The following IFIH1 variants were observed in gnomAD, a reference collection of about 807,000 sequenced individuals.
IFIH1 encodes interferon-induced helicase C domain-containing protein 1.
In IFIH1, 125 loss-of-function variants were observed where a neutral mutation model predicts 107.4. The ratio of observed to expected loss-of-function variants is 1.16; its 90% CI spans 1.01 to 1.35. The LOEUF is 1.35. IFIH1 is among the 40% of genes most tolerant of loss of function. The pLI is 0.00. For missense variants in IFIH1, 1,333 were observed against 1,213.7 expected (o/e 1.10, Z -1.46); for synonymous variants, 458 against 413.2 (o/e 1.11, Z -1.31).
At chr2:162,311,814 G>C (rs950419555) in intron 1 of IFIH1, among the ~76,000 whole-genome samples, 3 of 152,010 alleles carry the variant, frequency 2.0e-5, no homozygotes, top group African/African-American at 4.8e-5. Flanking sequence ...CCTAGACCTT[G>C]GTTACAATAT....
Position 162,281,475 on chromosome 2 carries a change from C to A in IFIH1, c.1377G>T (p.Arg459Ser). The change falls in exon 7 of 16, where the codon AGG (arginine) becomes AGT (serine). Residue 459 changes from arginine to serine, a missense_variant. Coordinates refer to ENST00000649979, the MANE Select transcript of IFIH1 (RefSeq NM_022168.4). ...NKEAVYNNIM[R>S]HYLMQKLKNN... ...TTTTCAACTTCTGCATCAAATAATG[C>A]CTCATGATGTTATTATACACTGCTT... The A allele has an allele frequency of 6.2e-7, 1 of 1,611,878 alleles. No individual in the cohort carries two copies.
In IFIH1 at chr2:162,282,460, G is replaced by T. The variant is rs201130067; in HGVS notation, c.1212C>A (p.Val404=). The change falls in exon 6 of 16, where the codon GTC becomes GTA. Residue 404 remains valine (V), a synonymous_variant. Coordinates refer to ENST00000649979, the MANE Select transcript of IFIH1 (RefSeq NM_022168.4). Reference sequence around the variant, plus strand: ...TACTGATAATAATATCACAGGACTTGACAACTTCTGGAAATGATATTTTCA... The same window carrying T: ...TACTGATAATAATATCACAGGACTTTACAACTTCTGGAAATGATATTTTCA... ...TQLKISFPEV[V]KSCDIIISTA... 26 of 1,611,336 alleles carry T rather than the reference G, an allele frequency of 1.6e-5. No homozygotes were observed. The East Asian group carries it at 4.5e-4, about 28-fold the overall frequency.
At chr2:162,271,872 T>C (rs899293109) in intron 13 of IFIH1, among the ~76,000 whole-genome samples, 1 of 152,182 alleles carries the variant, frequency 6.6e-6, no homozygotes, top group African/African-American at 2.4e-5. Flanking sequence ...GCGTTTCATC[T>C]ACATTTCTGA....
chr2:162,282,089 G>C (rs1682819571), intron 6 of IFIH1, among the ~76,000 whole-genome samples: 1 of 151,996 alleles, frequency 6.6e-6, no homozygotes, highest in Admixed American at 6.6e-5. Flanking sequence ...AAGGGAAGCA[G>C]ATCTAACAAC....
chr2:162,279,871 C>A (rs1037582164), intron 8 of IFIH1, 125 bp downstream of exon 8: 25 of 666,458 alleles, frequency 3.8e-5, no homozygotes, highest in Non-Finnish European at 1.6e-5. Flanking sequence ...TAAAAAAAAA[C>A]CTGAAACTTG....
At chr2:162,272,175 A>G (rs368108490) in intron 13 of IFIH1, 51 bp downstream of exon 13, 89 of 1,453,502 alleles carry the variant, frequency 6.1e-5, no homozygotes, top group Non-Finnish European at 8.0e-5. Context: ...AATGGCAACC[A>G]CATGCCGCCA....
At chr2:162,298,277 C>A (rs944738298) in intron 3 of IFIH1, among the ~76,000 whole-genome samples, 2 of 152,106 alleles carry the variant, frequency 1.3e-5, no homozygotes, top group Non-Finnish European at 2.9e-5. Flanking sequence ...CATTTATCAC[C>A]CCACAGAATA....
In IFIH1 at chr2:162,318,363, C is replaced by A. The variant is rs1354843260; in HGVS notation, c.-56G>T. 2 of 1,436,530 alleles carry A rather than the reference C, an allele frequency of 1.4e-6. No homozygotes were observed. Among genetic ancestry groups the A allele is most frequent in the East Asian group, 2.3e-5 (1 of 43,848 alleles). The allele number at this position is 1,436,530 out of a possible 1,614,324, so 89.0% of individuals were successfully genotyped here. A position where few individuals can be genotyped will look rare whatever the true frequency, so the allele number is the denominator to read the frequency against. ...CCCAAGCAGATGGTGCTGTTGTCTG[C>A]GGGACAGGTGAAATGTGCGTGCCGC... is the stretch of plus-strand genomic sequence containing the variant. On this transcript the variant is annotated 5_prime_UTR_variant, in exon 1 of 16. Coordinates refer to ENST00000649979, the MANE Select transcript of IFIH1 (RefSeq NM_022168.4).
intron 1 of IFIH1, among the ~76,000 whole-genome samples, chr2:162,315,128 T>C (rs549473892): frequency 6.6e-6 from 1 of 152,358 alleles, no homozygotes; most frequent in Non-Finnish European, 1.5e-5. Flanking sequence ...AAGACCATTT[T>C]ATAGAAGTCT....
chr2:162,314,840 G>A (rs908458953), intron 1 of IFIH1, among the ~76,000 whole-genome samples: 6 of 152,090 alleles, frequency 3.9e-5, no homozygotes, highest in South Asian at 2.1e-4. Context: ...ACAACTTCAC[G>A]AAAGGACAAA....
At chr2:162,277,794 C>T (rs1682728661) in intron 9 of IFIH1, 101 bp from the exon 10 acceptor site, 1 of 1,396,738 alleles carries the variant, frequency 7.2e-7, no homozygotes, top group Admixed American at 2.7e-5. Context: ...AAACTGGCTT[C>T]ACCTTGGTTT....
intron 3 of IFIH1, among the ~76,000 whole-genome samples, chr2:162,293,877 A>G (rs138944124): frequency 6.6e-6 from 1 of 151,884 alleles, no homozygotes; most frequent in Non-Finnish European, 1.5e-5. Flanking sequence ...AGTGATTCAA[A>G]TACATATTAC....
chr2:162,306,886 T>C (rs1420206959), intron 2 of IFIH1, 31 bp from the exon 3 acceptor site: 15 of 1,606,668 alleles, frequency 9.3e-6, no homozygotes, highest in Non-Finnish European at 1.3e-5. Flanking sequence ...ATGCAAATCA[T>C]AGTGCCATAC....
At chr2:162,314,437 TTTCTTTC>T (rs1683446107) in intron 1 of IFIH1, among the ~76,000 whole-genome samples, 1 of 116,206 alleles carries the variant, frequency 8.6e-6, no homozygotes, top group Non-Finnish European at 1.6e-5. Context: ...TCTTTCTTTC[TTTCTTTC>T]TTTCTTTCTT....
intron 11 of IFIH1, among the ~76,000 whole-genome samples, chr2:162,276,219 GTGT>G (rs1201755412): frequency 6.6e-6 from 1 of 152,142 alleles, no homozygotes; most frequent in African/African-American, 2.4e-5. Context: ...TCAAGAACAG[GTGT>G]TTTATCCTGT....
In IFIH1 at chr2:162,310,864, C is replaced by T. The variant is rs1298464553; in HGVS notation, c.523G>A (p.Glu175Lys). Residue 175 changes from glutamate (E) to lysine (K), a missense_variant, in exon 2 of 16, where the codon GAA becomes AAA. Coordinates refer to ENST00000649979, the MANE Select transcript of IFIH1 (RefSeq NM_022168.4). ...TTCAGAAATGCAGAGAACCAGTTTT[C>T]TTTCTGCACAATCCTTTTTAGTAGC... ...RELLKRIVQK[E>K]NWFSAFLNVL... 1 of 1,613,042 alleles carries T rather than the reference C, an allele frequency of 6.2e-7. No individual in the cohort carries two copies. Among genetic ancestry groups the T allele is most frequent in the African/African-American group, 1.3e-5 (1 of 74,902 alleles).
At chr2:162,309,238 C>T (rs897427354) in intron 2 of IFIH1, among the ~76,000 whole-genome samples, 6 of 152,180 alleles carry the variant, frequency 3.9e-5, no homozygotes, top group East Asian at 1.9e-4. Context: ...TGCAAGACAG[C>T]CTGCTCTCTC....
At chr2:162,305,378 T>C (rs1386011916) in intron 3 of IFIH1, among the ~76,000 whole-genome samples, 1 of 152,146 alleles carries the variant, frequency 6.6e-6, no homozygotes, top group East Asian at 1.9e-4. Flanking sequence ...AAGACAATCC[T>C]GGCCAACATG....
At position 162,318,018 on chromosome 2, in the gene IFIH1, G is replaced by C. The variant is rs1235437805; in HGVS notation, c.290C>G (p.Pro97Arg). The change falls in exon 1 of 16, where the codon CCT becomes CGT. Residue 97 changes from proline to arginine, a missense_variant. Pro to Arg is a moderately radical substitution (Grantham distance 103). Transcript: ENST00000649979. ...GSPLAARYMN[P>R]ELTDLPSPSF... The stretch of plus-strand genomic sequence containing the variant: ...TGGAGAGGGCAAGTCCGTGAGCTCA[G>C]GGTTCATGTAGCGGGCGGCCAGAGG... 2.5e-6 allele frequency: 4 copies of C among 1,614,192 alleles called. No homozygotes were observed. Among genetic ancestry groups the C allele is most frequent in the Non-Finnish European group, 3.4e-6 (4 of 1,180,028 alleles).
Sources: allele counts gnomAD v4.1 joint callset (sites outside exome capture counted in the v4.1 genomes callset), GRCh38; gene constraint gnomAD v4.1.1; transcripts MANE v1.5; gene names NCBI Gene and HGNC (gene_info 2026-07-23, HGNC 2026-07-21).